The following LDB1 variants were observed in gnomAD, a reference collection of about 807,000 sequenced individuals.
LDB1 encodes the protein LIM domain binding 1.
In LDB1, 6 loss-of-function variants were observed where a neutral mutation model predicts 49.7. The ratio of observed to expected loss-of-function variants is 0.12; its 90% CI spans 0.07 to 0.24. The LOEUF is 0.24. Among genes scored for constraint, LDB1 ranks in the 10% least tolerant of loss-of-function variants. LDB1 has a pLI of 1.00. For synonymous variants in LDB1, 233 were observed against 202.0 expected (o/e 1.15, Z -1.30); for missense variants, 341 against 561.7 (o/e 0.61, Z 3.97).
At position 102,109,078 on chromosome 10, in the gene LDB1, C is replaced by T. The variant is rs766955952; in HGVS notation, c.956G>A (p.Ser319Asn). The T allele has an allele frequency of 3.7e-6, 6 of 1,614,202 alleles. No homozygotes were observed. The Middle Eastern group carries it at 6.6e-4, about 178-fold the overall frequency. Residue 319 changes from serine (S) to asparagine (N), a missense_variant, in exon 10 of 11, where the codon AGC becomes AAC. Ser to Asn is a conservative substitution (Grantham distance 46). This residue lies in a region of LDB1 where 233 missense variants were observed against 385.7 expected (regional missense o/e 0.60). Coordinates refer to ENST00000673968, the MANE Select transcript of LDB1 (RefSeq NM_001113407.3). The surrounding 1 kb of genome is among the most constrained non-coding windows in gnomAD (Gnocchi z 5.8). ...SGGGNTNNSN[S>N]KKKSPASTFA... ...GGTGCTAGCTGGGCTCTTCTTCTTG[C>T]TGTTGCTGTTGTTGGTGTTGCCACC... is the stretch of plus-strand genomic sequence containing the variant.
chr10:102,115,626 G>A (rs928336399), intron 1 of LDB1, among the ~76,000 whole-genome samples: 1 of 151,982 alleles, frequency 6.6e-6, no homozygotes, highest in African/African-American at 2.4e-5. Flanking sequence ...AGACAAGTGG[G>A]TGCCAGGGAA....
downstream of LDB1, among the ~76,000 whole-genome samples, chr10:102,102,499 A>G (rs553815574): frequency 6.6e-6 from 1 of 152,330 alleles, no homozygotes; most frequent in East Asian, 1.9e-4. Flanking sequence ...GAGGTGGAGC[A>G]GCAAGGAGGG....
chr10:102,106,608 T>G lies in LDB1; in HGVS notation c.*1485A>C, dbSNP rs1049028796. Among the ~76,000 whole-genome samples the G allele has an allele frequency of 4.1e-5, 5 of 121,042 alleles. No individual in the cohort carries two copies. The highest frequency in any genetic ancestry group is 1.6e-4 in the African/African-American group (5 of 31,148). 79.4% of individuals were successfully genotyped at this position (121,042 alleles called of 152,430 possible). Reference sequence around the variant, plus strand: ...AAGGCATTACAGTTGGGATGGGATGTCCACCTTCCTCACCCCTTCCCTCAG... The same window carrying G: ...AAGGCATTACAGTTGGGATGGGATGGCCACCTTCCTCACCCCTTCCCTCAG... On this transcript the variant is annotated 3_prime_UTR_variant, in exon 11 of 11. Transcript: ENST00000673968.
downstream of LDB1, among the ~76,000 whole-genome samples, chr10:102,102,937 G>C (rs1425130690): frequency 6.6e-6 from 1 of 152,136 alleles, no homozygotes; most frequent in Non-Finnish European, 1.5e-5. Flanking sequence ...AAGTAGCTGG[G>C]ACTATAGGCA....
chr10:102,120,431 G>A (rs1239340177), upstream of LDB1: 1 of 979,868 alleles, frequency 1.0e-6, no homozygotes, highest in Non-Finnish European at 1.2e-6. Context: ...CGCCGTCGCC[G>A]AGCGCCCCCC....
At chr10:102,111,912 T>C (rs1451257298) in intron 1 of LDB1, among the ~76,000 whole-genome samples, 1 of 152,076 alleles carries the variant, frequency 6.6e-6, no homozygotes, top group Non-Finnish European at 1.5e-5. Flanking sequence ...TGCTAGACTG[T>C]GTGGATAGGG....
upstream of LDB1, among the ~76,000 whole-genome samples, chr10:102,120,649 G>A (rs2068408441): frequency 6.6e-6 from 1 of 152,198 alleles, no homozygotes; most frequent in Admixed American, 6.5e-5. Context: ...CTCGGGGAAC[G>A]GCATGCATGT....
chr10:102,108,057 G>T lies in LDB1; in HGVS notation c.*36C>A. 1 of 1,500,232 alleles carries T rather than the reference G, an allele frequency of 6.7e-7. No homozygotes were observed. The highest frequency in any genetic ancestry group is 9.3e-7 in the Non-Finnish European group (1 of 1,078,596). 92.9% of individuals were successfully genotyped at this position (1,500,232 alleles called of 1,614,324 possible). On this transcript the variant is annotated 3_prime_UTR_variant, in exon 11 of 11. Coordinates refer to ENST00000673968, the MANE Select transcript of LDB1 (RefSeq NM_001113407.3). ...CCCTGGGGCTGTGAGGGGTGGGGCA[G>T]GTAGGCAGAGCACTGGGTGGCCACA...
intron 1 of LDB1, chr10:102,114,812 G>GGGGCGCCCC: frequency 1.1e-6 from 1 of 929,818 alleles, no homozygotes; most frequent in Non-Finnish European, 1.3e-6. Flanking sequence ...CCTCCGAGCA[G>GGGGCGCCCC]CCCGCCCGCC....
chr10:102,109,547 A>G lies in LDB1; in HGVS notation c.733-40T>C, dbSNP rs2068219181. On this transcript the variant is annotated intron_variant, in intron 8 of 10. Transcript: ENST00000673968. The surrounding 1 kb of genome is among the most constrained non-coding windows in gnomAD (Gnocchi z 5.8). ...GGAGGTGGCTTGTCAGGGGACAGAC[A>G]TGGAGCCGAGACTAAATGGACTGGG... 2.5e-6 allele frequency: 4 copies of G among 1,614,144 alleles called. No homozygotes were observed. The highest frequency in any genetic ancestry group is 1.1e-5 in the South Asian group (1 of 91,078).
downstream of LDB1, among the ~76,000 whole-genome samples, chr10:102,105,272 G>A (rs1185944535): frequency 3.9e-5 from 6 of 152,188 alleles, no homozygotes; most frequent in African/African-American, 1.2e-4. Flanking sequence ...GGGGTGGGGT[G>A]CAATAGCATT....
chr10:102,117,735 G>A lies in LDB1; in HGVS notation c.25+2351C>T, dbSNP rs192066934. ...CTGAGCCACATGCTGCCCCAGACAG[G>A]CCCTGGCCCCCTCAGCCTCTTGCTC... On this transcript the variant is annotated intron_variant, in intron 1 of 10. Transcript: ENST00000673968. This position sits in a 1 kb window ranked among gnomAD's most constrained non-coding sequence, Gnocchi z 4.2. Among the ~76,000 whole-genome samples, 464 of 152,282 alleles carry A rather than the reference G, an allele frequency of 3.0e-3. 1 individual carries two copies. Among genetic ancestry groups the A allele is most frequent in the African/African-American group, 0.01 (432 of 41,550 alleles).
At chr10:102,119,474 C>T (rs1356070117) in intron 1 of LDB1, among the ~76,000 whole-genome samples, 1 of 152,114 alleles carries the variant, frequency 6.6e-6, no homozygotes, top group African/African-American at 2.4e-5. Context: ...TCCTAGCCTG[C>T]CCTCCCACTA....
chr10:102,120,441 C>G (rs1316567377), upstream of LDB1: 4 of 971,086 alleles, frequency 4.1e-6, no homozygotes, highest in Non-Finnish European at 3.7e-6. Flanking sequence ...GAGCGCCCCC[C>G]TCTCCGCCCT....
At chr10:102,115,396 C>A (rs1467252431) in intron 1 of LDB1, among the ~76,000 whole-genome samples, 4 of 152,188 alleles carry the variant, frequency 2.6e-5, no homozygotes, top group African/African-American at 9.6e-5. Context: ...TGAAGGCTGG[C>A]CCGGACTGCC....
upstream of LDB1, chr10:102,120,509 G>C: frequency 4.6e-6 from 2 of 434,498 alleles, no homozygotes; most frequent in Non-Finnish European, 6.1e-6. Context: ...GGCAGGGCCG[G>C]GCTTTATTAA....
chr10:102,109,702 CAAGA>C lies in LDB1; in HGVS notation c.649-23_649-20del. 3 of 1,612,000 alleles carry C rather than the reference CAAGA, an allele frequency of 1.9e-6. No individual in the cohort carries two copies. The highest frequency in any genetic ancestry group is 2.5e-6 in the Non-Finnish European group (3 of 1,178,156). On this transcript the variant is annotated intron_variant, in intron 7 of 10. Transcript: ENST00000673968. The surrounding 1 kb of genome is among the most constrained non-coding windows in gnomAD (Gnocchi z 5.8). Reference sequence around the variant, plus strand: ...CTTGGGCCTAGAGTGGGAGAAAAGACAAGAAAGAACACTGACACCTGGGTTGCCT... The same window carrying C: ...CTTGGGCCTAGAGTGGGAGAAAAGACAAGAACACTGACACCTGGGTTGCCT...
At position 102,120,346 on chromosome 10, in the gene LDB1, G is replaced by A. The variant is rs1198323489; in HGVS notation, c.-236C>T. Reference sequence around the variant, plus strand: ...GAGCGGCCTCTGCGTGTGTGCGCGCGGGTGTGAGTCCGCGGAGTGTGTGTC... The same window carrying A: ...GAGCGGCCTCTGCGTGTGTGCGCGCAGGTGTGAGTCCGCGGAGTGTGTGTC... On this transcript the variant is annotated 5_prime_UTR_variant, in exon 1 of 11. Coordinates refer to ENST00000673968, the MANE Select transcript of LDB1 (RefSeq NM_001113407.3). 61 of 984,432 alleles carry A rather than the reference G, an allele frequency of 6.2e-5. No homozygotes were observed. Among genetic ancestry groups the A allele is most frequent in the Non-Finnish European group, 7.4e-5 (61 of 829,572 alleles). The allele number at this position is 984,432 out of a possible 1,614,324, so 61.0% of individuals were successfully genotyped here. A position where few individuals can be genotyped will look rare whatever the true frequency, so the allele number is the denominator to read the frequency against.
rs1024893288 is a variant in LDB1, at chr10:102,106,820, C to T, written c.*1273G>A. 2.0e-5 allele frequency among the ~76,000 whole-genome samples: 3 copies of T among 152,112 alleles called. No homozygotes were observed. The highest frequency in any genetic ancestry group is 7.2e-5 in the African/African-American group (3 of 41,426). Reference sequence around the variant, plus strand: ...CGTGAAACCCTGCTCCTGGCTGCACCCTGGCAGAGCCGAGGATCCCGGCTG... The same window carrying T: ...CGTGAAACCCTGCTCCTGGCTGCACTCTGGCAGAGCCGAGGATCCCGGCTG... On this transcript the variant is annotated 3_prime_UTR_variant, in exon 11 of 11. Coordinates refer to ENST00000673968, the MANE Select transcript of LDB1 (RefSeq NM_001113407.3).
Sources: gnomAD v4.1 joint callset for allele counts (sites outside exome capture counted in the v4.1 genomes callset) on GRCh38, gnomAD v4.1.1 for gene constraint, gnomAD v4.1.1 regional missense constraint, Gnocchi (gnomAD v3.1) non-coding constraint, MANE v1.5 for transcripts, NCBI Gene and HGNC (gene_info 2026-07-23, HGNC 2026-07-21) for gene names.